The following DPCD variants were observed in gnomAD, a reference collection of about 807,000 sequenced individuals.
The protein encoded by DPCD is deleted in primary ciliary dyskinesia homolog (mouse).
A neutral mutation model predicts 26.4 loss-of-function variants in DPCD; 20 were observed. That is an observed-to-expected ratio of 0.76 (90% CI 0.53 to 1.10). DPCD has a LOEUF of 1.10. Among genes scored for constraint, DPCD ranks in the 50% least tolerant of loss-of-function variants. The pLI is 0.00. For missense variants in DPCD, 202 were observed against 253.9 expected (o/e 0.80, Z 1.39); for synonymous variants, 97 against 94.2 (o/e 1.03, Z -0.17).
intron 1 of DPCD, among the ~76,000 whole-genome samples, chr10:101,592,999 C>T (rs927587278): frequency 4.0e-5 from 4 of 100,782 alleles, no homozygotes; most frequent in African/African-American, 6.9e-5. Context: ...GGCGACAGAG[C>T]GAGACTCTGT....
chr10:101,607,268 C>G (rs1259357826), intron 4 of DPCD, among the ~76,000 whole-genome samples: 1 of 152,196 alleles, frequency 6.6e-6, no homozygotes, highest in Non-Finnish European at 1.5e-5. Flanking sequence ...CAGTGTCTGC[C>G]ACCTTTGCTG....
chr10:101,605,300 C>T, intron 4 of DPCD: 1 of 1,513,792 alleles, frequency 6.6e-7, no homozygotes. Context: ...GAGGGCCTGG[C>T]CTCTGGTGCC....
intron 4 of DPCD, chr10:101,604,992 A>AT: frequency 8.1e-7 from 1 of 1,231,446 alleles, no homozygotes; most frequent in Non-Finnish European, 1.1e-6. Flanking sequence ...GAAACTCTGG[A>AT]TTAAACAGGC....
intron 2 of DPCD, among the ~76,000 whole-genome samples, chr10:101,595,262 CA>C (rs1201735151): frequency 1.3e-5 from 2 of 152,142 alleles, no homozygotes; most frequent in Non-Finnish European, 2.9e-5. Context: ...GCAGCGTGGT[CA>C]CTTTCATTCC....
At chr10:101,597,548 C>T (rs1432045420) in intron 2 of DPCD, among the ~76,000 whole-genome samples, 2 of 152,218 alleles carry the variant, frequency 1.3e-5, no homozygotes, top group South Asian at 4.1e-4. Context: ...CAGTCTGGGA[C>T]ATCAGCCTGC....
intron 4 of DPCD, among the ~76,000 whole-genome samples, chr10:101,605,643 T>G (rs1216040039): frequency 6.6e-6 from 1 of 152,168 alleles, no homozygotes; most frequent in Non-Finnish European, 1.5e-5. Context: ...CACTGATGTG[T>G]TGGAGAGAGT....
At chr10:101,593,788 A>G (rs1268324786) in intron 1 of DPCD, among the ~76,000 whole-genome samples, 1 of 152,096 alleles carries the variant, frequency 6.6e-6, no homozygotes, top group Non-Finnish European at 1.5e-5. Context: ...ATGGGGTTTC[A>G]CCATGTTGGC....
At position 101,588,356 on chromosome 10, in the gene DPCD, T is replaced by A; in HGVS notation, c.20T>A (p.Leu7Ter). The change falls in exon 1 of 6, where the codon TTG (leucine) becomes TAG (stop). Residue 7 changes from leucine to a stop codon, truncating the protein, a stop_gained. Coordinates refer to ENST00000370151, the MANE Select transcript of DPCD (RefSeq NM_015448.3). LOFTEE classifies it high-confidence loss of function. ...GGAAAGATGGCGGTGACGGGCTGGT[T>A]GGAGAGTCTGCGGACAGCCCAGAAG... is the stretch of plus-strand genomic sequence containing the variant. MAVTGWLESLRTAQKTA... is the reference protein window; with the variant it reads MAVTGW 6.2e-7 allele frequency: 1 copy of A among 1,600,030 alleles called. No homozygotes were observed. The highest frequency in any genetic ancestry group is 1.1e-5 in the South Asian group (1 of 89,298).
intron 1 of DPCD, among the ~76,000 whole-genome samples, chr10:101,593,368 A>G (rs909796238): frequency 3.9e-5 from 6 of 152,316 alleles, no homozygotes; most frequent in African/African-American, 1.2e-4. Context: ...ACTGTATCCC[A>G]GAGAAGTGAA....
At chr10:101,607,858 A>G (rs1398042841) in intron 4 of DPCD, among the ~76,000 whole-genome samples, 1 of 152,184 alleles carries the variant, frequency 6.6e-6, no homozygotes, top group African/African-American at 2.4e-5. Flanking sequence ...ACCAAGGAAA[A>G]TGCCAAATTG....
At chr10:101,609,158 G>C (rs967605656) in intron 5 of DPCD, 13 of 643,530 alleles carry the variant, frequency 2.0e-5, no homozygotes, top group African/African-American at 7.3e-5. Flanking sequence ...GAGGGTGAAA[G>C]GGAAGCGGTG....
intron 1 of DPCD, among the ~76,000 whole-genome samples, chr10:101,589,990 C>T (rs1490277287): frequency 6.7e-6 from 1 of 148,762 alleles, no homozygotes; most frequent in Non-Finnish European, 1.5e-5. Flanking sequence ...GAGGTAGACG[C>T]AGCAGTGAGC....
At chr10:101,591,540 C>T (rs563733453) in intron 1 of DPCD, among the ~76,000 whole-genome samples, 125 of 152,192 alleles carry the variant, frequency 8.2e-4, no homozygotes, top group African/African-American at 3.0e-3. Flanking sequence ...TTACTCCCTT[C>T]CACCAAGAAT....
rs779426654 is a variant in DPCD, at chr10:101,608,806, G to A, written c.405-29G>A. On this transcript the variant is annotated intron_variant, in intron 4 of 5. Transcript: ENST00000370151. ...TGGCTGTTGGGTCACCTTGCCGAGTGCCCCAATGGCCTCTCGGTGTCCCCA... is the reference window on the plus strand; with the variant it reads ...TGGCTGTTGGGTCACCTTGCCGAGTACCCCAATGGCCTCTCGGTGTCCCCA... 2.0e-6 allele frequency: 3 copies of A among 1,538,050 alleles called. No individual in the cohort carries two copies. The Admixed American group carries it at 5.1e-5, about 26-fold the overall frequency.
chr10:101,598,599 G>A (rs2063669982), intron 2 of DPCD, among the ~76,000 whole-genome samples: 1 of 147,344 alleles, frequency 6.8e-6, no homozygotes, highest in African/African-American at 2.5e-5. Flanking sequence ...ACAGACATTG[G>A]GTAGATGCTT....
At chr10:101,592,922 G>C (rs1179257017) in intron 1 of DPCD, among the ~76,000 whole-genome samples, 2 of 150,682 alleles carry the variant, frequency 1.3e-5, no homozygotes, top group Admixed American at 1.3e-4. Context: ...GCTGAGGCAG[G>C]AGAATTGCTT....
chr10:101,603,772 G>T lies in DPCD; in HGVS notation c.404+2436G>T, dbSNP rs2063715267. On this transcript the variant is annotated intron_variant, in intron 4 of 5. Coordinates refer to ENST00000370151, the MANE Select transcript of DPCD (RefSeq NM_015448.3). This position sits in a 1 kb window ranked among gnomAD's most constrained non-coding sequence, Gnocchi z 4.6. Reference sequence around the variant, plus strand: ...ACTCCATCTCAAAAAAAAAAAAAGAGATGGAGTCTTGCCCTATTGCCCAGG... The same window carrying T: ...ACTCCATCTCAAAAAAAAAAAAAGATATGGAGTCTTGCCCTATTGCCCAGG... 1.3e-5 allele frequency among the ~76,000 whole-genome samples: 2 copies of T among 151,276 alleles called. No homozygotes were observed. The highest frequency in any genetic ancestry group is 4.9e-5 in the African/African-American group (2 of 41,076).
Position 101,608,841 on chromosome 10 carries a change from C to T in DPCD, c.411C>T (p.Tyr137=). ...CCTCTCGGTGTCCCCACAGGTACTA[C>T]AAGAAGTTCTCCATTCCTGATCTAG... The part of the protein sequence containing the change: ...IIVRTTNKKY[Y]KKFSIPDLDR... The change falls in exon 5 of 6, where the codon TAC becomes TAT. Residue 137 remains tyrosine, a synonymous_variant. Coordinates refer to ENST00000370151, the MANE Select transcript of DPCD (RefSeq NM_015448.3). 2 of 1,612,946 alleles carry T rather than the reference C, an allele frequency of 1.2e-6. No individual in the cohort carries two copies. Among genetic ancestry groups the T allele is most frequent in the Non-Finnish European group, 1.7e-6 (2 of 1,179,314 alleles).
intron 1 of DPCD, among the ~76,000 whole-genome samples, chr10:101,590,896 G>T (rs746588168): frequency 3.6e-4 from 55 of 152,164 alleles, no homozygotes; most frequent in Non-Finnish European, 6.6e-4. Context: ...TCTGTAACTG[G>T]TGTATTTCAC....
Sources: allele counts gnomAD v4.1 joint callset (sites outside exome capture counted in the v4.1 genomes callset), GRCh38; gene constraint gnomAD v4.1.1; non-coding constraint Gnocchi (gnomAD v3.1); transcripts MANE v1.5; gene names NCBI Gene and HGNC (gene_info 2026-07-23, HGNC 2026-07-21).